KLF8: variants seen among roughly 807,000 people sequenced by gnomAD.
The protein encoded by KLF8 is KLF transcription factor 8.
In KLF8, 10 loss-of-function variants were observed where a neutral mutation model predicts 18.2. The ratio of observed to expected loss-of-function variants is 0.55; its 90% CI spans 0.34 to 0.93. The LOEUF is 0.93. Among genes scored for constraint, KLF8 ranks in the 40% least tolerant of loss-of-function variants. The pLI, the probability that KLF8 is intolerant of heterozygous loss-of-function variation, is 0.02. For synonymous variants in KLF8, 109 were observed against 97.3 expected, an observed-to-expected ratio of 1.12 and a Z score of -0.71; for missense variants, 264 against 277.9, an observed-to-expected ratio of 0.95 and a Z score of 0.36.
At chrX:56,199,285 C>G in the KLF8 span, among the ~76,000 whole-genome samples, 1 of 111,876 alleles carries the variant, frequency 8.9e-6, no homozygotes, top group African/African-American at 3.2e-5. Flanking sequence ...AAGAAACTAC[C>G]ATCTGAGTGA....
chrX:55,933,085 C>T, the KLF8 span, among the ~76,000 whole-genome samples: 2 of 111,359 alleles, frequency 1.8e-5, no homozygotes, highest in South Asian at 3.7e-4. Flanking sequence ...TACATTTTTA[C>T]ATCTTAAGAA....
At chrX:55,958,057 G>T in the KLF8 span, among the ~76,000 whole-genome samples, 1 of 111,947 alleles carries the variant, frequency 8.9e-6, no homozygotes, top group African/African-American at 3.2e-5. Flanking sequence ...AAATAAATTA[G>T]CTTATAATAA....
chrX:55,999,285 A>ATTTTTTTTTTTTTT, the KLF8 span, among the ~76,000 whole-genome samples: 61 of 33,525 alleles, frequency 1.8e-3, 7 homozygotes, highest in African/African-American at 8.0e-3. Context: ...ATGCCTCCAG[A>ATTTTTTTTTTTTTT]TTTTTTTTTT....
At chrX:56,177,977 C>T in the KLF8 span, among the ~76,000 whole-genome samples, 1 of 111,634 alleles carries the variant, frequency 9.0e-6, no homozygotes, top group Non-Finnish European at 1.9e-5. Context: ...GCGAGTGACC[C>T]TATTTTCCAG....
the KLF8 span, among the ~76,000 whole-genome samples, chrX:56,223,761 G>C: frequency 3.6e-5 from 4 of 112,500 alleles, no homozygotes; most frequent in Admixed American, 3.7e-4. Flanking sequence ...GCCAGGATTT[G>C]TGTACTTTGC....
At chrX:55,996,122 G>T in the KLF8 span, among the ~76,000 whole-genome samples, 3 of 111,083 alleles carry the variant, frequency 2.7e-5, no homozygotes, top group Admixed American at 1.9e-4. Context: ...TGTCTTCGAG[G>T]GCTGGGATTC....
At chrX:56,194,747 G>A in the KLF8 span, among the ~76,000 whole-genome samples, 1 of 112,295 alleles carries the variant, frequency 8.9e-6, no homozygotes, top group African/African-American at 3.2e-5. Context: ...CGGACAGACT[G>A]CCTCCTCAAG....
At chrX:56,019,501 T>C in the KLF8 span, among the ~76,000 whole-genome samples, 1 of 112,786 alleles carries the variant, frequency 8.9e-6, no homozygotes, top group Non-Finnish European at 1.9e-5. Context: ...ACTTGCTCTA[T>C]GCAGCAAACT....
chrX:55,978,739 T>C, the KLF8 span, among the ~76,000 whole-genome samples: 1 of 111,790 alleles, frequency 8.9e-6, no homozygotes, highest in Non-Finnish European at 1.9e-5. Flanking sequence ...AAGCTGAAAT[T>C]GCCTCCCTAT....
chrX:56,135,663 C>A, the KLF8 span, among the ~76,000 whole-genome samples: 1 of 110,216 alleles, frequency 9.1e-6, no homozygotes, highest in South Asian at 3.9e-4. Context: ...AACTAACCTG[C>A]ACATTGTGCA....
the KLF8 span, among the ~76,000 whole-genome samples, chrX:56,063,748 T>G: frequency 9.0e-6 from 1 of 111,203 alleles, no homozygotes; most frequent in African/African-American, 3.3e-5. Context: ...ACTGAATCTG[T>G]GTTCACAGCC....
chrX:56,283,136 A>T (rs781655399), intron 5 of KLF8, among the ~76,000 whole-genome samples: 1 of 111,337 alleles, frequency 9.0e-6, no homozygotes, highest in East Asian at 2.8e-4. Flanking sequence ...TAATTTTTTT[A>T]TACTACTTTT....
At chrX:56,032,691 T>A in the KLF8 span, among the ~76,000 whole-genome samples, 1 of 112,646 alleles carries the variant, frequency 8.9e-6, no homozygotes, top group Non-Finnish European at 1.9e-5. Flanking sequence ...AGTAGTTTTC[T>A]ATTGTATGAA....
At chrX:56,022,230 A>C in the KLF8 span, among the ~76,000 whole-genome samples, 7 of 110,871 alleles carry the variant, frequency 6.3e-5, no homozygotes, top group Non-Finnish European at 1.1e-4. Context: ...GGCTTGCAGA[A>C]ATCCATGGAG....
chrX:56,150,905 A>C, the KLF8 span, among the ~76,000 whole-genome samples: 2 of 111,554 alleles, frequency 1.8e-5, no homozygotes, highest in African/African-American at 6.5e-5. Context: ...ACAAAGAAAA[A>C]TATGTTGTTA....
the KLF8 span, among the ~76,000 whole-genome samples, chrX:55,948,100 C>A: frequency 8.9e-6 from 1 of 112,141 alleles, no homozygotes; most frequent in East Asian, 2.8e-4. Context: ...AGTGTGCTTG[C>A]AAACAGGTTT....
the KLF8 span, among the ~76,000 whole-genome samples, chrX:56,064,073 A>G: frequency 3.7e-5 from 4 of 107,212 alleles, no homozygotes; most frequent in Non-Finnish European, 7.7e-5. Flanking sequence ...ATATACATAT[A>G]TACATGTGTG....
At chrX:56,085,812 G>T in the KLF8 span, among the ~76,000 whole-genome samples, 8 of 112,025 alleles carry the variant, frequency 7.1e-5, no homozygotes, top group Non-Finnish European at 1.5e-4. Flanking sequence ...AGGACTTCAA[G>T]AAATATCTGA....
chrX:56,128,562 A>T, the KLF8 span, among the ~76,000 whole-genome samples: 1 of 111,772 alleles, frequency 8.9e-6, no homozygotes, highest in Non-Finnish European at 1.9e-5. Flanking sequence ...AAAATAAAGA[A>T]GTATGTCCAT....
Sources: gnomAD v4.1 joint callset for allele counts (sites outside exome capture counted in the v4.1 genomes callset) on GRCh38, gnomAD v4.1.1 for gene constraint, MANE v1.5 for transcripts, NCBI Gene and HGNC (gene_info 2026-07-23, HGNC 2026-07-21) for gene names.